The following KRIT1 variants were observed in gnomAD, a reference collection of about 807,000 sequenced individuals.
The protein encoded by KRIT1 is krev interaction trapped protein 1.
A neutral mutation model predicts 95.8 loss-of-function variants in KRIT1; 45 were observed. The ratio of observed to expected loss-of-function variants is 0.47; its 90% CI spans 0.37 to 0.60. KRIT1 has a LOEUF of 0.60. Among genes scored for constraint, KRIT1 ranks in the 20% least tolerant of loss-of-function variants. KRIT1 has a pLI of 0.00. For synonymous variants in KRIT1, 282 were observed against 278.8 expected (o/e 1.01, Z -0.11); for missense variants, 788 against 877.5 (o/e 0.90, Z 1.29).
chr7:92,222,096 C>A lies in KRIT1; in HGVS notation c.1412-43G>T. ...TTTTATAAATGATAATGTAAAAAGT[C>A]AATTATATCAATGCATAGAAACTTT... is the stretch of plus-strand genomic sequence containing the variant. On this transcript the variant is annotated intron_variant, in intron 13 of 18. Transcript: ENST00000394505. The A allele has an allele frequency of 2.8e-6, 4 of 1,416,658 alleles. No homozygotes were observed. The South Asian group carries it at 4.6e-5, about 16-fold the overall frequency. The allele number at this position is 1,416,658 out of a possible 1,614,324, so 87.8% of individuals were successfully genotyped here.
rs771399681 is a variant in KRIT1, at chr7:92,234,475, G to A, written c.963C>T (p.His321=). The change falls in exon 10 of 19, where the codon CAC becomes CAT. Residue 321 remains histidine, a synonymous_variant. Transcript: ENST00000394505. ...RFSVNQLDSD[H]WAPIHYACWY... ...AGCATGCATAATGAATGGGTGCCCA[G>A]TGGTCACTATCTAACTGGTTGACTG... 1 of 1,609,352 alleles carries A rather than the reference G, an allele frequency of 6.2e-7. No homozygotes were observed. The highest frequency in any genetic ancestry group is 8.5e-7 in the Non-Finnish European group (1 of 1,175,556).
intron 3 of KRIT1, 64 bp downstream of exon 3, chr7:92,243,938 A>T (rs1295315728): frequency 6.6e-6 from 1 of 152,164 alleles, no homozygotes; most frequent in African/African-American, 2.4e-5. Context: ...ATTCTTTATC[A>T]TTATATACTT....
chr7:92,241,669 G>A (rs759304858), intron 4 of KRIT1, among the ~76,000 whole-genome samples: 26 of 152,008 alleles, frequency 1.7e-4, no homozygotes, highest in Non-Finnish European at 2.9e-4. Flanking sequence ...ATTTTAAAAC[G>A]AATTGTTAAA....
intron 17 of KRIT1, among the ~76,000 whole-genome samples, chr7:92,209,518 C>G (rs1263242790): frequency 1.3e-5 from 2 of 152,084 alleles, no homozygotes; most frequent in South Asian, 2.1e-4. Context: ...AGTTGCAGGA[C>G]ACAAAATTCA....
At chr7:92,244,455 C>G (rs1478145866) in intron 2 of KRIT1, among the ~76,000 whole-genome samples, 1 of 152,182 alleles carries the variant, frequency 6.6e-6, no homozygotes, top group Non-Finnish European at 1.5e-5. Flanking sequence ...ATGACAGTAA[C>G]AGTATTTTGT....
chr7:92,203,156 C>T (rs10227997), intron 17 of KRIT1, among the ~76,000 whole-genome samples: 3,747 of 152,294 alleles, frequency 0.025, 168 homozygotes, highest in African/African-American at 0.086. Context: ...CAACTGTGTC[C>T]CATGGCTTTT....
At chr7:92,239,486 T>C (rs1018003664) in intron 5 of KRIT1, among the ~76,000 whole-genome samples, 2 of 152,172 alleles carry the variant, frequency 1.3e-5, no homozygotes, top group Non-Finnish European at 2.9e-5. Context: ...TGAAAATTTA[T>C]CAGAGAAGTC....
intron 5 of KRIT1, among the ~76,000 whole-genome samples, chr7:92,239,030 A>G (rs975228756): frequency 2.0e-4 from 31 of 152,368 alleles, no homozygotes; most frequent in South Asian, 1.7e-3. Flanking sequence ...TTACTTCAAA[A>G]ATATTTCATA....
chr7:92,243,016 T>C (rs1194213536), intron 3 of KRIT1, among the ~76,000 whole-genome samples: 1 of 152,116 alleles, frequency 6.6e-6, no homozygotes, highest in Non-Finnish European at 1.5e-5. Context: ...GATGGAGTTT[T>C]ACCATGTTGG....
rs547629600 is a variant in KRIT1, at chr7:92,219,459, G to A, written c.1563+2443C>T. ...AAAGTCTACCGGCTGTATATGTATG[G>A]GTTTATTTCTGAAAACTCAATTCTA... On this transcript the variant is annotated intron_variant, in intron 14 of 18. Coordinates refer to ENST00000394505, the MANE Select transcript of KRIT1 (RefSeq NM_194454.3). Among the ~76,000 whole-genome samples, 3 of 152,200 alleles carry A rather than the reference G, an allele frequency of 2.0e-5. No homozygotes were observed. The South Asian group carries it at 6.2e-4, about 32-fold the overall frequency.
At chr7:92,207,594 C>G (rs538955482) in intron 17 of KRIT1, among the ~76,000 whole-genome samples, 2 of 152,136 alleles carry the variant, frequency 1.3e-5, no homozygotes, top group Admixed American at 1.3e-4. Context: ...CAGTGGCTCA[C>G]GCCTGTAATC....
chr7:92,236,616 T>C, intron 6 of KRIT1, 74 bp from the exon 7 acceptor site: 2 of 1,002,042 alleles, frequency 2.0e-6, no homozygotes, highest in Non-Finnish European at 1.6e-6. Flanking sequence ...TAAAAATACA[T>C]GTTAGAAAAT....
At chr7:92,227,574 GC>G (rs763366951) in intron 10 of KRIT1, among the ~76,000 whole-genome samples, 4 of 152,044 alleles carry the variant, frequency 2.6e-5, no homozygotes, top group Non-Finnish European at 5.9e-5. Flanking sequence ...CTCACTCTAT[GC>G]CCAGGCTGGA....
At chr7:92,221,328 A>G (rs1354598771) in intron 14 of KRIT1, among the ~76,000 whole-genome samples, 2 of 152,002 alleles carry the variant, frequency 1.3e-5, no homozygotes, top group East Asian at 3.9e-4. Flanking sequence ...AATCCCAACT[A>G]CTTGGGAGGC....
intron 5 of KRIT1, among the ~76,000 whole-genome samples, chr7:92,238,633 G>C (rs1041390536): frequency 2.0e-5 from 3 of 152,194 alleles, no homozygotes; most frequent in Non-Finnish European, 4.4e-5. Context: ...TGTCTGGCTT[G>C]AAGTCTCGTT....
chr7:92,225,216 T>G (rs1471861531), intron 12 of KRIT1, among the ~76,000 whole-genome samples: 3 of 152,208 alleles, frequency 2.0e-5, no homozygotes, highest in Admixed American at 2.0e-4. Context: ...TTTAAGTGTT[T>G]TGAAAGTTTT....
At chr7:92,223,008 C>T in intron 12 of KRIT1, 30 bp from the exon 13 acceptor site, 2 of 1,492,642 alleles carry the variant, frequency 1.3e-6, no homozygotes, top group Non-Finnish European at 1.9e-6. Context: ...ACGTAACGAA[C>T]TTAAAAAATT....
intron 3 of KRIT1, among the ~76,000 whole-genome samples, chr7:92,242,636 GA>G (rs1344881310): frequency 6.6e-6 from 1 of 152,198 alleles, no homozygotes; most frequent in Non-Finnish European, 1.5e-5. Flanking sequence ...ATTTACTCCA[GA>G]ACTTTCAGCA....
At chr7:92,238,996 G>A (rs1406553439) in intron 5 of KRIT1, among the ~76,000 whole-genome samples, 1 of 152,168 alleles carries the variant, frequency 6.6e-6, no homozygotes, top group Non-Finnish European at 1.5e-5. Context: ...TGATTTTCAT[G>A]TGATGTTTAT....
Sources: gnomAD v4.1 joint callset for allele counts (sites outside exome capture counted in the v4.1 genomes callset) on GRCh38, gnomAD v4.1.1 for gene constraint, MANE v1.5 for transcripts, NCBI Gene and HGNC (gene_info 2026-07-23, HGNC 2026-07-21) for gene names.